Variants in CAPN14 observed in about 807,000 individuals in gnomAD.
CAPN14 encodes calpain-14.
Under a neutral mutation model 101.3 loss-of-function variants are expected in CAPN14, and 94 were observed. That is an observed-to-expected ratio of 0.93 (90% CI 0.79 to 1.10). The LOEUF (loss-of-function observed/expected upper bound fraction) is 1.10, where lower values mean the gene tolerates loss of function less well. CAPN14 is among the 50% of genes least tolerant of loss of function. The probability of loss-of-function intolerance (pLI) is 0.00; values close to 1 mark genes in which losing one functional copy is unlikely to be tolerated. For synonymous variants in CAPN14, 338 were observed against 317.9 expected (o/e 1.06, Z -0.67); for missense variants, 837 against 828.4 (o/e 1.01, Z -0.13).
chr2:31,227,905 G>A (rs1471283931), intron 1 of CAPN14, among the ~76,000 whole-genome samples: 1 of 152,196 alleles, frequency 6.6e-6, no homozygotes, highest in Non-Finnish European at 1.5e-5. Flanking sequence ...GTGGGGAGAG[G>A]GGCACAGCCT....
chr2:31,179,060 CTATATATATATA>C (rs60701103), intron 17 of CAPN14, among the ~76,000 whole-genome samples: 16 of 69,216 alleles, frequency 2.3e-4, no homozygotes, highest in South Asian at 9.7e-4. Context: ...TTATTGAGTT[CTATATATATATA>C]TATATATATA....
rs1235777634 is a variant in CAPN14, at chr2:31,174,710, G to T, written c.2029-3C>A. 1 of 1,551,606 alleles carries T rather than the reference G, an allele frequency of 6.4e-7. No individual in the cohort carries two copies. Among genetic ancestry groups the T allele is most frequent in the Admixed American group, 2.0e-5 (1 of 51,006 alleles). On this transcript the variant is annotated splice_region_variant and splice_polypyrimidine_tract_variant and intron_variant, in intron 21 of 21. Coordinates refer to ENST00000403897, the MANE Select transcript of CAPN14 (RefSeq NM_001145122.2). Reference sequence around the variant, plus strand: ...GAGTACAGTGCCATCATCATCCACTGGACATGTTGGGAAAGCAAATGATGG... The same window carrying T: ...GAGTACAGTGCCATCATCATCCACTTGACATGTTGGGAAAGCAAATGATGG...
chr2:31,213,084 G>A (rs868367016), intron 1 of CAPN14, among the ~76,000 whole-genome samples: 6 of 152,310 alleles, frequency 3.9e-5, no homozygotes, highest in African/African-American at 9.6e-5. Context: ...TCTTGAGCAG[G>A]GATTGTACTT....
chr2:31,202,026 A>G, intron 4 of CAPN14, 28 bp from the exon 5 acceptor site: 2 of 1,550,828 alleles, frequency 1.3e-6, no homozygotes, highest in Non-Finnish European at 1.7e-6. Flanking sequence ...CCCCGGGTGA[A>G]TGAGGACTGC....
intron 8 of CAPN14, among the ~76,000 whole-genome samples, chr2:31,194,989 G>A (rs1301120453): frequency 2.6e-5 from 4 of 152,190 alleles, no homozygotes; most frequent in Admixed American, 2.6e-4. Context: ...AACAAACGAG[G>A]TGAGCCCTAA....
intron 1 of CAPN14, among the ~76,000 whole-genome samples, chr2:31,231,897 G>A (rs1409787104): frequency 6.6e-6 from 1 of 152,204 alleles, no homozygotes; most frequent in African/African-American, 2.4e-5. Context: ...TGCCTTGTGA[G>A]TTGTTAAATA....
Position 31,206,034 on chromosome 2 carries a change from A to AT in CAPN14, c.-52-536dup, listed in dbSNP as rs201440262. On this transcript the variant is annotated intron_variant, in intron 1 of 21. Transcript: ENST00000403897. ...TACATTATCTTTATTTTTTTTATTT[A>AT]TTTATTTTTTTTTTTTGAGACAGAG... 4.2e-3 allele frequency among the ~76,000 whole-genome samples: 470 copies of AT among 113,004 alleles called. 27 individuals are homozygous for AT. The highest frequency in any genetic ancestry group is 0.013 in the African/African-American group (411 of 30,626). The allele number at this position is 113,004 out of a possible 152,430, so 74.1% of individuals were successfully genotyped here.
At chr2:31,218,150 C>T (rs900135462), upstream of CAPN14, among the ~76,000 whole-genome samples, 3 of 152,152 alleles carry the variant, frequency 2.0e-5, no homozygotes, top group South Asian at 2.1e-4. Context: ...CCTTGGGTCC[C>T]GTTGCTCCAA....
Position 31,177,130 on chromosome 2 carries a change from C to G in CAPN14, c.1868G>C (p.Ser623Thr), listed in dbSNP as rs1680341354. ...AAMREAGIML[S>T]DDVCQLMLIR... is the part of the protein sequence containing the mutation. Reference sequence around the variant, plus strand: ...GAGCATCAGCTGACAGACGTCATCACTGAGCATGATTCCTGCATTGAGCAC... The same window carrying G: ...GAGCATCAGCTGACAGACGTCATCAGTGAGCATGATTCCTGCATTGAGCAC... Residue 623 changes from serine to threonine, a missense_variant, in exon 20 of 22, where the codon AGT becomes ACT. Coordinates refer to ENST00000403897, the MANE Select transcript of CAPN14 (RefSeq NM_001145122.2). 1 of 1,550,550 alleles carries G rather than the reference C, an allele frequency of 6.4e-7. No homozygotes were observed. Among genetic ancestry groups the G allele is most frequent in the Admixed American group, 2.0e-5 (1 of 50,950 alleles).
intron 17 of CAPN14, among the ~76,000 whole-genome samples, chr2:31,179,060 C>CTATATATATATATATATA (rs60701103): frequency 1.2e-4 from 8 of 69,198 alleles, no homozygotes; most frequent in Middle Eastern, 6.9e-3. Context: ...TTATTGAGTT[C>CTATATATATATATATATA]TATATATATA....
intron 5 of CAPN14, 54 bp downstream of exon 5, chr2:31,201,808 T>G: frequency 6.5e-7 from 1 of 1,540,642 alleles, no homozygotes; most frequent in Non-Finnish European, 8.8e-7. Context: ...CCCTCAACAT[T>G]GAGAGAGAGA....
At chr2:31,214,587 G>A (rs1371128678) in intron 1 of CAPN14, among the ~76,000 whole-genome samples, 2 of 152,182 alleles carry the variant, frequency 1.3e-5, no homozygotes, top group South Asian at 2.1e-4. Context: ...CAATGCTGGG[G>A]TAGGCGTCCC....
chr2:31,203,129 C>T lies in CAPN14; in HGVS notation c.236G>A (p.Ser79Asn), dbSNP rs1305026556. The T allele has an allele frequency of 3.2e-6, 5 of 1,551,582 alleles. No homozygotes were observed. In the East Asian group the frequency reaches 7.3e-5, roughly 23 times the overall value. Residue 79 changes from serine (S) to asparagine (N), a missense_variant, in exon 3 of 22, where the codon AGC becomes AAC. By Grantham distance (46) the Ser-to-Asn change is conservative (BLOSUM62 1). Transcript: ENST00000403897. Reference sequence around the variant, plus strand: ...CTTGGCAAAATAAAACTGGGGATTGCTGTGCAGCTCCTGGGAAAGACAAAC... The same window carrying T: ...CTTGGCAAAATAAAACTGGGGATTGTTGTGCAGCTCCTGGGAAAGACAAAC... ...LQWKRPPELH[S>N]NPQFYFAKAK...
At chr2:31,219,190 TCA>T (rs1396275043), upstream of CAPN14, among the ~76,000 whole-genome samples, 1 of 151,306 alleles carries the variant, frequency 6.6e-6, no homozygotes, top group Non-Finnish European at 1.5e-5. Context: ...TGCTGCGGAT[TCA>T]CAGAGCCACC....
In CAPN14 at chr2:31,205,204, C is replaced by A. The variant is rs200835957; in HGVS notation, c.225+19G>T. On this transcript the variant is annotated intron_variant, in intron 2 of 21. Transcript: ENST00000403897. ...AAACCCTGGGGAAGGAGGGTCTGGG[C>A]TGACACATTTTGCCTCACCGGGGGC... 182 of 1,547,004 alleles carry A rather than the reference C, an allele frequency of 1.2e-4. No individual in the cohort carries two copies. In the Middle Eastern group the frequency reaches 1.4e-3, roughly 12 times the overall value.
chr2:31,189,140 G>A, intron 13 of CAPN14, 133 bp downstream of exon 13: 1 of 754,842 alleles, frequency 1.3e-6, no homozygotes. Context: ...AAAGTCACCT[G>A]GTCTCCTGCT....
chr2:31,176,884 T>C (rs1680321791), intron 20 of CAPN14, 142 bp downstream of exon 20: 2 of 706,964 alleles, frequency 2.8e-6, no homozygotes, highest in Non-Finnish European at 4.9e-6. Flanking sequence ...TCACAGGCAC[T>C]TGGCTGGAGG....
chr2:31,231,024 C>T (rs1243343714), intron 1 of CAPN14, among the ~76,000 whole-genome samples: 1 of 152,142 alleles, frequency 6.6e-6, no homozygotes, highest in African/African-American at 2.4e-5. Context: ...CACTGTAACT[C>T]CATAACAATG....
At chr2:31,183,047 C>A (rs1291953247) in intron 16 of CAPN14, among the ~76,000 whole-genome samples, 1 of 152,240 alleles carries the variant, frequency 6.6e-6, no homozygotes, top group Admixed American at 6.5e-5. Flanking sequence ...CTATAACTAT[C>A]TGATCTTTGA....
Sources: allele counts gnomAD v4.1 joint callset (sites outside exome capture counted in the v4.1 genomes callset), GRCh38; gene constraint gnomAD v4.1.1; transcripts MANE v1.5; gene names NCBI Gene and HGNC (gene_info 2026-07-23, HGNC 2026-07-21).